SLCO4C1: variants seen among roughly 807,000 people sequenced by gnomAD.
SLCO4C1 encodes solute carrier organic anion transporter family member 4C1, also known as organic anion transporter M1.
In SLCO4C1, 58 loss-of-function variants were observed where a neutral mutation model predicts 72.1. The ratio of observed to expected loss-of-function variants is 0.80; its 90% CI spans 0.65 to 1.00. The LOEUF is 1.00. Ranked by LOEUF, SLCO4C1 falls within the 50% of genes least tolerant of loss-of-function variation. The pLI, the probability that SLCO4C1 is intolerant of heterozygous loss-of-function variation, is 0.00. For synonymous variants in SLCO4C1, 297 were observed against 312.5 expected (o/e 0.95, Z 0.52); for missense variants, 898 against 857.9 (o/e 1.05, Z -0.58).
intron 10 of SLCO4C1, among the ~76,000 whole-genome samples, chr5:102,241,212 T>C (rs563766944): frequency 6.6e-6 from 1 of 152,256 alleles, no homozygotes; most frequent in Non-Finnish European, 1.5e-5. Flanking sequence ...AGGACAAGGA[T>C]GCCCACTCTC....
chr5:102,285,653 A>T (rs1370033422), intron 2 of SLCO4C1, among the ~76,000 whole-genome samples: 3 of 152,170 alleles, frequency 2.0e-5, no homozygotes, highest in Non-Finnish European at 4.4e-5. Flanking sequence ...AAATTGTGAT[A>T]GTTTTATCTA....
chr5:102,276,648 T>A (rs1368746637), intron 2 of SLCO4C1, among the ~76,000 whole-genome samples: 1 of 152,154 alleles, frequency 6.6e-6, no homozygotes, highest in African/African-American at 2.4e-5. Context: ...ATAGGAGTGT[T>A]AAGCGGCACC....
At chr5:102,287,534 C>CTTTTTTT (rs148132091) in intron 2 of SLCO4C1, among the ~76,000 whole-genome samples, 2 of 79,972 alleles carry the variant, frequency 2.5e-5, no homozygotes, top group Non-Finnish European at 4.6e-5. Flanking sequence ...TTTTTCACTT[C>CTTTTTTT]TTTTTTTTTT....
chr5:102,255,960 CT>C, intron 8 of SLCO4C1, among the ~76,000 whole-genome samples: 1 of 133,046 alleles, frequency 7.5e-6, no homozygotes, highest in Middle Eastern at 4.3e-3. Flanking sequence ...AATCCCAGCA[CT>C]TTGGGTGGCC....
chr5:102,291,273 T>C, intron 2 of SLCO4C1, 70 bp downstream of exon 2: 1 of 1,494,388 alleles, frequency 6.7e-7, no homozygotes, highest in Non-Finnish European at 9.1e-7. Context: ...TGAATTGCAA[T>C]ATAAAGTTAA....
chr5:102,263,802 T>C (rs772754122), intron 3 of SLCO4C1, 22 bp from the exon 4 acceptor site: 109 of 1,566,820 alleles, frequency 7.0e-5, no homozygotes, highest in Admixed American at 1.0e-4. Flanking sequence ...ACAGAGACAT[T>C]GAATACAGTC....
chr5:102,249,887 C>A lies in SLCO4C1; in HGVS notation c.1470-99G>T, dbSNP rs569630076. 162 of 1,175,848 alleles carry A rather than the reference C, an allele frequency of 1.4e-4. 5 individuals carry two copies. The South Asian group carries it at 2.1e-3, about 16-fold the overall frequency. The allele number at this position is 1,175,848 out of a possible 1,614,324, so 72.8% of individuals were successfully genotyped here. A position where few individuals can be genotyped will look rare whatever the true frequency, so the allele number is the denominator to read the frequency against. On this transcript the variant is annotated intron_variant, in intron 8 of 12. Coordinates refer to ENST00000310954, the MANE Select transcript of SLCO4C1 (RefSeq NM_180991.5). ...ATCTTACCATTAGGTCATTTATTCA[C>A]TCACTCAACACATAATTACTAAACA...
chr5:102,264,560 G>C lies in SLCO4C1; in HGVS notation c.803-780C>G, dbSNP rs80153075. Among the ~76,000 whole-genome samples the C allele has an allele frequency of 2.8e-3, 430 of 152,028 alleles. 2 individuals are homozygous for C. Among genetic ancestry groups the C allele is most frequent in the African/African-American group, 0.01 (419 of 41,496 alleles). On this transcript the variant is annotated intron_variant, in intron 3 of 12. Transcript: ENST00000310954. ...ATGTGTCAATACATCTATACAATGT[G>C]TAATGATCAAATCGTAGTAATTAGC... is the stretch of plus-strand genomic sequence containing the variant.
rs1476163226 is a variant in SLCO4C1, at chr5:102,281,247, T to C, written c.619+10096A>G. On this transcript the variant is annotated intron_variant, in intron 2 of 12. Transcript: ENST00000310954. Reference sequence around the variant, plus strand: ...TGGAGCTAGAGCAAATGGACACTTATAAACAAAAATCAAACTTTAAACCTC... The same window carrying C: ...TGGAGCTAGAGCAAATGGACACTTACAAACAAAAATCAAACTTTAAACCTC... Among the ~76,000 whole-genome samples the C allele has an allele frequency of 4.6e-5, 7 of 152,258 alleles. No homozygotes were observed. The East Asian group carries it at 5.8e-4, about 13-fold the overall frequency.
chr5:102,274,265 GA>G (rs1349997576), intron 2 of SLCO4C1, among the ~76,000 whole-genome samples: 1 of 152,042 alleles, frequency 6.6e-6, no homozygotes, highest in African/African-American at 2.4e-5. Flanking sequence ...ACCACAAGTG[GA>G]AGCTCCTACG....
rs748523415 is a variant in SLCO4C1, at chr5:102,270,653, A to C, written c.773T>G (p.Val258Gly). The change falls in exon 3 of 13, where the codon GTG becomes GGG. Residue 258 changes from valine (V) to glycine (G), a missense_variant. Transcript: ENST00000310954. Reference protein sequence around the residue: ...TLGTAFLDDSVPTHKSSLYIG... With the variant: ...TLGTAFLDDSGPTHKSSLYIG... Reference sequence around the variant, plus strand: ...ATAGAGAGAAGACTTGTGTGTGGGCACAGAATCATCAAGAAAGGCTGTTCC... The same window carrying C: ...ATAGAGAGAAGACTTGTGTGTGGGCCCAGAATCATCAAGAAAGGCTGTTCC... 1 of 1,612,744 alleles carries C rather than the reference A, an allele frequency of 6.2e-7. No homozygotes were observed. Among genetic ancestry groups the C allele is most frequent in the East Asian group, 2.2e-5 (1 of 44,820 alleles).
At chr5:102,269,612 T>A (rs1454751139) in intron 3 of SLCO4C1, among the ~76,000 whole-genome samples, 1 of 152,172 alleles carries the variant, frequency 6.6e-6, no homozygotes, top group African/African-American at 2.4e-5. Context: ...TTGTGTTGTT[T>A]ATCTGAGTTC....
intron 2 of SLCO4C1, among the ~76,000 whole-genome samples, chr5:102,287,608 G>A (rs985325297): frequency 7.5e-5 from 11 of 146,716 alleles, no homozygotes; most frequent in Admixed American, 1.4e-4. Flanking sequence ...GCAATGGTAC[G>A]GTTTCAGCTC....
intron 2 of SLCO4C1, among the ~76,000 whole-genome samples, chr5:102,273,057 G>T (rs1401683384): frequency 6.6e-6 from 1 of 151,688 alleles, no homozygotes; most frequent in Non-Finnish European, 1.5e-5. Flanking sequence ...AAACATAAAA[G>T]AACAAAACTA....
intron 2 of SLCO4C1, among the ~76,000 whole-genome samples, chr5:102,282,089 T>TA (rs1749367697): frequency 6.6e-6 from 1 of 151,936 alleles, no homozygotes. Flanking sequence ...ACAGAACAAT[T>TA]GATATGTACA....
chr5:102,239,376 C>A lies in SLCO4C1; in HGVS notation c.1889G>T (p.Gly630Val). The A allele has an allele frequency of 6.3e-7, 1 of 1,579,184 alleles. No homozygotes were observed. Among genetic ancestry groups the A allele is most frequent in the South Asian group, 1.2e-5 (1 of 82,892 alleles). The stretch of plus-strand genomic sequence containing the variant: ...TATTGTGAAACCAAATATAATTGGT[C>A]CAGGAATTGTCCCTAAAAGAATTAT... ...MVLRLLGTIP[G>V]PIIFGFTIDS... The change falls in exon 12 of 13, where the codon GGA (glycine) becomes GTA (valine). Residue 630 changes from glycine to valine, a missense_variant. Physicochemically the swap from Gly to Val is moderately radical, Grantham distance 109. Coordinates refer to ENST00000310954, the MANE Select transcript of SLCO4C1 (RefSeq NM_180991.5).
At chr5:102,269,921 T>G (rs1007141287) in intron 3 of SLCO4C1, among the ~76,000 whole-genome samples, 9 of 151,990 alleles carry the variant, frequency 5.9e-5, no homozygotes, top group African/African-American at 2.2e-4. Flanking sequence ...TGATTCTGGG[T>G]GGGCGCAGCA....
rs1176580944 is a variant in SLCO4C1 at position 102,234,119 on chromosome 5, A to G, written c.*2739T>C. On this transcript the variant is annotated 3_prime_UTR_variant, in exon 13 of 13. Transcript: ENST00000310954. The stretch of plus-strand genomic sequence containing the variant: ...ATTTACATAGTAAAGTCAACTGCAT[A>G]CAGTTCTTTCCATGTGTAAGTTTTA... The G allele has an allele frequency of 2.0e-5, 3 of 152,426 alleles. No individual in the cohort carries two copies. The highest frequency in any genetic ancestry group is 2.9e-5 in the Non-Finnish European group (2 of 68,008). The allele number at this position is 152,426 out of a possible 1,614,324, so 9.4% of individuals were successfully genotyped here.
chr5:102,252,762 C>T (rs1472970742), intron 8 of SLCO4C1, among the ~76,000 whole-genome samples: 1 of 152,002 alleles, frequency 6.6e-6, no homozygotes, highest in Non-Finnish European at 1.5e-5. Flanking sequence ...ACATATTTTA[C>T]AAAGGTTTAC....
Sources: allele counts gnomAD v4.1 joint callset (sites outside exome capture counted in the v4.1 genomes callset), GRCh38; gene constraint gnomAD v4.1.1; transcripts MANE v1.5; gene names NCBI Gene and HGNC (gene_info 2026-07-23, HGNC 2026-07-21).